Variants in SLC38A4 observed in about 807,000 individuals in gnomAD.
The protein encoded by SLC38A4 is sodium-coupled neutral amino acid transporter 4.
SLC38A4 carries 20 observed loss-of-function variants against 63.1 expected under a neutral mutation model. That is an observed-to-expected ratio of 0.32 (90% CI 0.22 to 0.46). SLC38A4 has a LOEUF of 0.46. Ranked by LOEUF, SLC38A4 falls within the 20% of genes least tolerant of loss-of-function variation. The pLI, the probability that SLC38A4 is intolerant of heterozygous loss-of-function variation, is 1.00. For synonymous variants in SLC38A4, 230 were observed against 225.5 expected (o/e 1.02, Z -0.18); for missense variants, 526 against 663.6 (o/e 0.79, Z 2.28).
chr12:46,788,312 T>A (rs111555042), intron 4 of SLC38A4, among the ~76,000 whole-genome samples: 1 of 152,188 alleles, frequency 6.6e-6, no homozygotes, highest in Non-Finnish European at 1.5e-5. Flanking sequence ...TGGGTTAGAA[T>A]GATTTCCCCC....
At chr12:46,809,448 A>G (rs1158692165) in intron 1 of SLC38A4, among the ~76,000 whole-genome samples, 1 of 152,066 alleles carries the variant, frequency 6.6e-6, no homozygotes, top group Non-Finnish European at 1.5e-5. Context: ...AGTAGAGAAG[A>G]GGGCAGGCTT....
At chr12:46,781,215 C>T (rs1282477908) in intron 7 of SLC38A4, among the ~76,000 whole-genome samples, 6 of 152,014 alleles carry the variant, frequency 3.9e-5, no homozygotes, top group Non-Finnish European at 5.9e-5. Flanking sequence ...CACAATCATA[C>T]AGCTTGAAAA....
rs770950090 is a variant in SLC38A4 at position 46,769,271 on chromosome 12, T to C, written c.1444+13A>G. The C allele has an allele frequency of 3.1e-6, 5 of 1,612,630 alleles. No individual in the cohort carries two copies. The highest frequency in any genetic ancestry group is 4.2e-6 in the Non-Finnish European group (5 of 1,179,048). On this transcript the variant is annotated intron_variant, in intron 15 of 16. Coordinates refer to ENST00000266579, the MANE Select transcript of SLC38A4 (RefSeq NM_018018.5). The stretch of plus-strand genomic sequence containing the variant: ...GTTTGGGTTGACCAAATTGAAGCCT[T>C]TCTGAAACTCACCTATGAATCCGAA...
intron 14 of SLC38A4, among the ~76,000 whole-genome samples, chr12:46,773,177 AT>A (rs1023737928): frequency 6.6e-6 from 1 of 152,086 alleles, no homozygotes; most frequent in African/African-American, 2.4e-5. Context: ...ACCCAGCTGA[AT>A]TCGTAGCACA....
intron 4 of SLC38A4, 77 bp from the exon 5 acceptor site, chr12:46,788,108 T>A (rs1938801754): frequency 9.4e-7 from 1 of 1,058,548 alleles, no homozygotes; most frequent in Non-Finnish European, 1.4e-6. Context: ...TATTCTCACA[T>A]TATCTGCAGA....
rs776751444 is a variant in SLC38A4 at position 46,766,556 on chromosome 12, G to T, written c.*145C>A. On this transcript the variant is annotated 3_prime_UTR_variant, in exon 17 of 17. Transcript: ENST00000266579. ...AAAACAGTGATTTTCCTCTTCTGCA[G>T]GTGCCTGGTGATATTACTGGTAAAC... The T allele has an allele frequency of 1.3e-5, 9 of 710,774 alleles. No individual in the cohort carries two copies. The highest frequency in any genetic ancestry group is 8.1e-5 in the Admixed American group (4 of 49,640). The allele number at this position is 710,774 out of a possible 1,614,324, so 44.0% of individuals were successfully genotyped here. A position where few individuals can be genotyped will look rare whatever the true frequency, so the allele number is the denominator to read the frequency against.
intron 1 of SLC38A4, among the ~76,000 whole-genome samples, chr12:46,820,139 T>C (rs529143435): frequency 1.3e-4 from 19 of 151,902 alleles, no homozygotes; most frequent in Non-Finnish European, 2.2e-4. Flanking sequence ...GTAATAGATA[T>C]ATCCATCACC....
intron 12 of SLC38A4, 52 bp downstream of exon 12, chr12:46,778,237 T>G: frequency 6.5e-7 from 1 of 1,547,522 alleles, no homozygotes; most frequent in Non-Finnish European, 8.9e-7. Flanking sequence ...TCTTTGAACA[T>G]ATGAGCAGAA....
intron 1 of SLC38A4, among the ~76,000 whole-genome samples, chr12:46,809,880 TG>T (rs138646887): frequency 0.013 from 1,917 of 152,162 alleles, 24 homozygotes; most frequent in East Asian, 0.063. Context: ...TCTCCTTTTT[TG>T]TTTACCTTGA....
At chr12:46,776,618 T>G (rs1938530831) in intron 13 of SLC38A4, among the ~76,000 whole-genome samples, 1 of 151,946 alleles carries the variant, frequency 6.6e-6, no homozygotes, top group Non-Finnish European at 1.5e-5. Context: ...GACTATGGAG[T>G]CTAGCCAGAG....
At position 46,793,325 on chromosome 12, in the gene SLC38A4, A is replaced by G. The variant is rs1938929126; in HGVS notation, c.-112-142T>C. The G allele has an allele frequency of 1.1e-5, 3 of 278,016 alleles. No individual in the cohort carries two copies. The East Asian group carries it at 2.3e-4, about 21-fold the overall frequency. The allele number at this position is 278,016 out of a possible 1,614,324, so 17.2% of individuals were successfully genotyped here. Reference sequence around the variant, plus strand: ...AAACTTTACATAAGAAAATCCTGAAATGTTCCTTTACCCAATACAAGAAAG... The same window carrying G: ...AAACTTTACATAAGAAAATCCTGAAGTGTTCCTTTACCCAATACAAGAAAG... On this transcript the variant is annotated intron_variant, in intron 2 of 16. Transcript: ENST00000266579.
At chr12:46,806,763 A>C (rs889769792) in intron 1 of SLC38A4, among the ~76,000 whole-genome samples, 1 of 152,016 alleles carries the variant, frequency 6.6e-6, no homozygotes, top group African/African-American at 2.4e-5. Context: ...TATGACTATC[A>C]CCTTCAAATA....
chr12:46,788,484 C>T, intron 4 of SLC38A4, 44 bp downstream of exon 4: 1 of 1,484,912 alleles, frequency 6.7e-7, no homozygotes, highest in East Asian at 2.3e-5. Context: ...GTAGATCAGA[C>T]ACCCTCAGTC....
chr12:46,774,022 G>A (rs541208319), intron 14 of SLC38A4, among the ~76,000 whole-genome samples: 3 of 152,066 alleles, frequency 2.0e-5, no homozygotes, highest in East Asian at 1.9e-4. Flanking sequence ...TACCCAAGAC[G>A]GAGCTGATTT....
intron 1 of SLC38A4, among the ~76,000 whole-genome samples, chr12:46,814,420 A>G (rs1939396489): frequency 6.6e-6 from 1 of 151,968 alleles, no homozygotes; most frequent in Non-Finnish European, 1.5e-5. Context: ...TGAACCTGTC[A>G]TCAGCGCCAG....
At chr12:46,776,474 C>T (rs770696795) in intron 13 of SLC38A4, among the ~76,000 whole-genome samples, 1 of 151,980 alleles carries the variant, frequency 6.6e-6, no homozygotes, top group Non-Finnish European at 1.5e-5. Context: ...TTTGACTTGA[C>T]TGGTAAAGAG....
chr12:46,774,982 A>G (rs1938492515), intron 14 of SLC38A4, 67 bp downstream of exon 14: 2 of 1,543,266 alleles, frequency 1.3e-6, no homozygotes, highest in African/African-American at 1.4e-5. Flanking sequence ...ATCAAAATGA[A>G]GGTAGAACAC....
At chr12:46,796,919 G>A (rs1040256971) in intron 2 of SLC38A4, among the ~76,000 whole-genome samples, 7 of 152,102 alleles carry the variant, frequency 4.6e-5, no homozygotes, top group East Asian at 1.9e-4. Flanking sequence ...TGAAGCTACT[G>A]CAGGGCTCCC....
intron 1 of SLC38A4, among the ~76,000 whole-genome samples, chr12:46,804,387 A>G (rs1027197338): frequency 1.5e-4 from 23 of 152,158 alleles, no homozygotes; most frequent in African/African-American, 5.3e-4. Flanking sequence ...GCCATATTTT[A>G]TATGTTGGCA....
Sources: allele counts gnomAD v4.1 joint callset (sites outside exome capture counted in the v4.1 genomes callset), GRCh38; gene constraint gnomAD v4.1.1; transcripts MANE v1.5; gene names NCBI Gene and HGNC (gene_info 2026-07-23, HGNC 2026-07-21).